Variants in ADRB3 observed in about 807,000 individuals in gnomAD.
ADRB3 encodes the protein beta-3 adrenergic receptor.
Under a neutral mutation model 23.8 loss-of-function variants are expected in ADRB3, and 33 were observed. The ratio of observed to expected loss-of-function variants is 1.38; its 90% CI spans 1.05 to 1.85. ADRB3 has a LOEUF of 1.85. Ranked by LOEUF, ADRB3 falls within the 40% of genes most tolerant of loss-of-function variation. The probability of loss-of-function intolerance (pLI) is 0.00; values close to 1 mark genes in which losing one functional copy is unlikely to be tolerated. For missense variants in ADRB3, 600 were observed against 579.6 expected, an observed-to-expected ratio of 1.04 and a Z score of -0.36; for synonymous variants, 289 against 273.0, an observed-to-expected ratio of 1.06 and a Z score of -0.58.
At position 37,963,177 on chromosome 8, in the gene ADRB3, A is replaced by ATG. The variant is rs1398415530; in HGVS notation, c.*1040_*1041insCA. On this transcript the variant is annotated 3_prime_UTR_variant, in exon 2 of 2. Coordinates refer to ENST00000345060, the MANE Select transcript of ADRB3 (RefSeq NM_000025.3). ...TCCAGACACACACACACACACACAC[A>ATG]CGCACACACACACACACACACCATG... The ATG allele has an allele frequency of 2.7e-5, 4 of 149,718 alleles. No individual in the cohort carries two copies. The highest frequency in any genetic ancestry group is 9.9e-5 in the African/African-American group (4 of 40,550). The allele number at this position is 149,718 out of a possible 1,614,324, so 9.3% of individuals were successfully genotyped here. A position where few individuals can be genotyped will look rare whatever the true frequency, so the allele number is the denominator to read the frequency against.
Position 37,966,272 on chromosome 8 carries a change from C to T in ADRB3, c.198G>A (p.Pro66=). 1 of 1,613,710 alleles carries T rather than the reference C, an allele frequency of 6.2e-7. No homozygotes were observed. Among genetic ancestry groups the T allele is most frequent in the South Asian group, 1.1e-5 (1 of 91,078 alleles). The change falls in exon 1 of 2, where the codon CCG becomes CCA. Residue 66 remains proline, a synonymous_variant. Transcript: ENST00000345060. ...LLVIVAIAWT[P]RLQTMTNVFV... ...ACACGTTGGTCATGGTCTGGAGTCT[C>T]GGAGTCCAGGCGATGGCCACGATGA...
In ADRB3 at chr8:37,966,546, C is replaced by G. The variant is rs200537905; in HGVS notation, c.-77G>C. On this transcript the variant is annotated 5_prime_UTR_variant, in exon 1 of 2. Transcript: ENST00000345060. ...AAATCACCTGGCTCAGGGGAGGGGA[C>G]AGCAAGGCATGAGAGCGACTTCCCC... is the stretch of plus-strand genomic sequence containing the variant. 6.0e-6 allele frequency: 9 copies of G among 1,499,774 alleles called. No homozygotes were observed. Among genetic ancestry groups the G allele is most frequent in the African/African-American group, 1.4e-5 (1 of 71,144 alleles). The allele number at this position is 1,499,774 out of a possible 1,614,324, so 92.9% of individuals were successfully genotyped here. A position where few individuals can be genotyped will look rare whatever the true frequency, so the allele number is the denominator to read the frequency against.
In ADRB3 at chr8:37,966,243, A is replaced by C; in HGVS notation, c.227T>G (p.Val76Gly). 2 of 1,613,622 alleles carry C rather than the reference A, an allele frequency of 1.2e-6. No homozygotes were observed. Among genetic ancestry groups the C allele is most frequent in the Non-Finnish European group, 1.7e-6 (2 of 1,179,806 alleles). Residue 76 changes from valine to glycine, a missense_variant, in exon 1 of 2, where the codon GTG becomes GGG. By Grantham distance (109) the Val-to-Gly change is moderately radical. Transcript: ENST00000345060. Reference protein sequence around the residue: ...PRLQTMTNVFVTSLAAADLVM... With the variant: ...PRLQTMTNVFGTSLAAADLVM... ...CAGGTCGGCTGCGGCCAGCGAAGTCACGAACACGTTGGTCATGGTCTGGAG... is the reference window on the plus strand; with the variant it reads ...CAGGTCGGCTGCGGCCAGCGAAGTCCCGAACACGTTGGTCATGGTCTGGAG...
In ADRB3 at chr8:37,966,387, C is replaced by G; in HGVS notation, c.83G>C (p.Ser28Thr). Residue 28 changes from serine (S) to threonine (T), a missense_variant, in exon 1 of 2, where the codon AGT (serine) becomes ACT (threonine). Physicochemically the swap from Ser to Thr is moderately conservative, Grantham distance 58 (BLOSUM62 1). Coordinates refer to ENST00000345060, the MANE Select transcript of ADRB3 (RefSeq NM_000025.3). ...CTCCCACGGAACCCCTGGCAGCCCA[C>G]TGGTGTTGGCGGTATTGGGCGCCAG... Reference protein sequence around the residue: ...PTLAPNTANTSGLPGVPWEAA... With the variant: ...PTLAPNTANTTGLPGVPWEAA... 2 of 1,610,400 alleles carry G rather than the reference C, an allele frequency of 1.2e-6. No individual in the cohort carries two copies. Among genetic ancestry groups the G allele is most frequent in the Non-Finnish European group, 1.7e-6 (2 of 1,178,834 alleles).
In ADRB3 at chr8:37,965,614, G is replaced by C; in HGVS notation, c.856C>G (p.Arg286Gly). The change falls in exon 1 of 2, where the codon CGG becomes GGG. Residue 286 changes from arginine (R) to glycine (G), a missense_variant. Arg to Gly is a moderately radical substitution (Grantham distance 125, BLOSUM62 -2). Coordinates refer to ENST00000345060, the MANE Select transcript of ADRB3 (RefSeq NM_000025.3). ...AAGGTGCACAGGGCCCGGTGTTCCCGGAGAGGCAGGAGGCGCGCGGGCCGC... is the reference window on the plus strand; with the variant it reads ...AAGGTGCACAGGGCCCGGTGTTCCCCGAGAGGCAGGAGGCGCGCGGGCCGC... The part of the protein sequence containing the change: ...GRRPARLLPL[R>G]EHRALCTLGL... 1.9e-6 allele frequency: 3 copies of C among 1,542,746 alleles called. No individual in the cohort carries two copies. Among genetic ancestry groups the C allele is most frequent in the Non-Finnish European group, 2.6e-6 (3 of 1,144,168 alleles).
chr8:37,966,575 C>T lies in ADRB3; in HGVS notation c.-106G>A. 6.9e-7 allele frequency: 1 copy of T among 1,454,440 alleles called. No homozygotes were observed. Among genetic ancestry groups the T allele is most frequent in the African/African-American group, 1.4e-5 (1 of 70,078 alleles). The allele number at this position is 1,454,440 out of a possible 1,614,324, so 90.1% of individuals were successfully genotyped here. A position where few individuals can be genotyped will look rare whatever the true frequency, so the allele number is the denominator to read the frequency against. ...AAGGCATGAGAGCGACTTCCCCAGC[C>T]TGGGCCATCTTCTCTAGCTGTCCCA... On this transcript the variant is annotated 5_prime_UTR_variant, in exon 1 of 2. Coordinates refer to ENST00000345060, the MANE Select transcript of ADRB3 (RefSeq NM_000025.3).
rs1296862681 is a variant in ADRB3, at chr8:37,963,450, G to T, written c.*768C>A. On this transcript the variant is annotated 3_prime_UTR_variant, in exon 2 of 2. Transcript: ENST00000345060. ...TGTTTGATGAAGATTAGGAAGAAAAGAGTGAGGATTAGGCCTAATTTACTG... is the reference window on the plus strand; with the variant it reads ...TGTTTGATGAAGATTAGGAAGAAAATAGTGAGGATTAGGCCTAATTTACTG... 6.6e-6 allele frequency: 1 copy of T among 152,258 alleles called. No individual in the cohort carries two copies. The highest frequency in any genetic ancestry group is 1.9e-4 in the East Asian group (1 of 5,202). 9.4% of individuals were successfully genotyped at this position (152,258 alleles called of 1,614,324 possible).
At position 37,966,045 on chromosome 8, in the gene ADRB3, G is replaced by C; in HGVS notation, c.425C>G (p.Pro142Arg). 6.3e-7 allele frequency: 1 copy of C among 1,591,850 alleles called. No individual in the cohort carries two copies. The highest frequency in any genetic ancestry group is 1.1e-5 in the South Asian group (1 of 88,000). The change falls in exon 1 of 2, where the codon CCG (proline) becomes CGG (arginine). Residue 142 changes from proline to arginine, a missense_variant. By Grantham distance (103) the Pro-to-Arg change is moderately radical. Transcript: ENST00000345060. Reference sequence around the variant, plus strand: ...GGTGACCAGTGCGCCGTAACGCAGCGGGTTGGTCACAGCCAGGTAGCGGTC... The same window carrying C: ...GGTGACCAGTGCGCCGTAACGCAGCCGGTTGGTCACAGCCAGGTAGCGGTC... ...AVDRYLAVTN[P>R]LRYGALVTKR...
At position 37,966,293 on chromosome 8, in the gene ADRB3, G is replaced by C; in HGVS notation, c.177C>G (p.Ile59Met). Residue 59 changes from isoleucine (I) to methionine (M), a missense_variant, in exon 1 of 2, where the codon ATC becomes ATG. Coordinates refer to ENST00000345060, the MANE Select transcript of ADRB3 (RefSeq NM_000025.3). ...LATVGGNLLV[I>M]VAIAWTPRLQ... is the part of the protein sequence containing the mutation. The stretch of plus-strand genomic sequence containing the variant: ...GTCTCGGAGTCCAGGCGATGGCCAC[G>C]ATGACCAGCAGGTTGCCTCCCACGG... 6.2e-7 allele frequency: 1 copy of C among 1,613,730 alleles called. No individual in the cohort carries two copies. Among genetic ancestry groups the C allele is most frequent in the Non-Finnish European group, 8.5e-7 (1 of 1,179,818 alleles).
rs1808253480 is a variant in ADRB3 at position 37,964,189 on chromosome 8, A to G, written c.*29T>C. ...AGAGGTTTTCCACAGGTTCTGATCA[A>G]CAGAGTTGTTGCTTCTTGTCCTTCA... On this transcript the variant is annotated 3_prime_UTR_variant, in exon 2 of 2. Coordinates refer to ENST00000345060, the MANE Select transcript of ADRB3 (RefSeq NM_000025.3). 1 of 1,609,790 alleles carries G rather than the reference A, an allele frequency of 6.2e-7. No individual in the cohort carries two copies.
chr8:37,964,103 G>T lies in ADRB3; in HGVS notation c.*115C>A. 1 of 929,984 alleles carries T rather than the reference G, an allele frequency of 1.1e-6. No individual in the cohort carries two copies. Among genetic ancestry groups the T allele is most frequent in the Non-Finnish European group, 1.7e-6 (1 of 581,860 alleles). 57.6% of individuals were successfully genotyped at this position (929,984 alleles called of 1,614,324 possible). ...TTGGGTCACATGGCCCAGTCGTCAG[G>T]TTCTGGAGGGTAGAGTGTCACAGCC... is the stretch of plus-strand genomic sequence containing the variant. On this transcript the variant is annotated 3_prime_UTR_variant, in exon 2 of 2. Transcript: ENST00000345060.
At position 37,966,040 on chromosome 8, in the gene ADRB3, G is replaced by T. The variant is rs1447823648; in HGVS notation, c.430C>A (p.Arg144Ser). ...DRYLAVTNPL[R>S]YGALVTKRCA... The stretch of plus-strand genomic sequence containing the variant: ...CGCTTGGTGACCAGTGCGCCGTAAC[G>T]CAGCGGGTTGGTCACAGCCAGGTAG... Residue 144 changes from arginine (R) to serine (S), a missense_variant, in exon 1 of 2, where the codon CGT becomes AGT. Coordinates refer to ENST00000345060, the MANE Select transcript of ADRB3 (RefSeq NM_000025.3). 1.3e-6 allele frequency: 2 copies of T among 1,587,728 alleles called. No homozygotes were observed. The highest frequency in any genetic ancestry group is 1.7e-6 in the Non-Finnish European group (2 of 1,167,140).
At position 37,965,758 on chromosome 8, in the gene ADRB3, G is replaced by A; in HGVS notation, c.712C>T (p.Leu238=). ...FVVATRQLRL[L]RGELGRFPPE... is the part of the protein sequence containing the mutation. The stretch of plus-strand genomic sequence containing the variant: ...GGAAAGCGGCCCAGCTCCCCGCGCA[G>A]CAAGCGCAGCTGGCGCGTAGCCACC... Residue 238 remains leucine, a synonymous_variant, in exon 1 of 2, where the codon CTG becomes TTG. Coordinates refer to ENST00000345060, the MANE Select transcript of ADRB3 (RefSeq NM_000025.3). The A allele has an allele frequency of 1.9e-6, 3 of 1,550,994 alleles. No individual in the cohort carries two copies. Among genetic ancestry groups the A allele is most frequent in the African/African-American group, 1.4e-5 (1 of 73,170 alleles).
In ADRB3 at chr8:37,963,964, G is replaced by C. The variant is rs199991921; in HGVS notation, c.*254C>G. 54 of 442,214 alleles carry C rather than the reference G, an allele frequency of 1.2e-4. No individual in the cohort carries two copies. The highest frequency in any genetic ancestry group is 1.6e-4 in the Non-Finnish European group (38 of 244,800). The allele number at this position is 442,214 out of a possible 1,614,324, so 27.4% of individuals were successfully genotyped here. ...TACCAAAGCCAGCCTGCTGCTCCAC[G>C]GCACCTGGACACTACCACTGAGGGA... is the stretch of plus-strand genomic sequence containing the variant. On this transcript the variant is annotated 3_prime_UTR_variant, in exon 2 of 2. Transcript: ENST00000345060.
Position 37,965,990 on chromosome 8 carries a change from C to T in ADRB3, c.480G>A (p.Leu160=). ...ACACCGCGGCCGACACGACCCACAC[C>T]AGGACCACAGCTGTCCGGGCGCAGC... is the stretch of plus-strand genomic sequence containing the variant. ...TKRCARTAVV[L]VWVVSAAVSF... is the part of the protein sequence containing the mutation. Residue 160 remains leucine, a synonymous_variant, in exon 1 of 2, where the codon CTG becomes CTA. Coordinates refer to ENST00000345060, the MANE Select transcript of ADRB3 (RefSeq NM_000025.3). 6.4e-7 allele frequency: 1 copy of T among 1,572,880 alleles called. No individual in the cohort carries two copies. Among genetic ancestry groups the T allele is most frequent in the Non-Finnish European group, 8.6e-7 (1 of 1,158,912 alleles).
At chr8:37,965,153 G>A (rs1233773004) in intron 1 of ADRB3, 112 bp downstream of exon 1, 1 of 1,145,770 alleles carries the variant, frequency 8.7e-7, no homozygotes, top group Non-Finnish European at 1.2e-6. Context: ...TTCTCTCCAA[G>A]CAAAGCCATC....
In ADRB3 at chr8:37,966,179, C is replaced by T; in HGVS notation, c.291G>A (p.Leu97=). The part of the protein sequence containing the change: ...GLLVVPPAAT[L]ALTGHWPLGA... The stretch of plus-strand genomic sequence containing the variant: ...CCAACGGCCAGTGGCCAGTCAGCGC[C>T]AAGGTGGCCGCCGGCGGCACCACCA... The change falls in exon 1 of 2, where the codon TTG becomes TTA. Residue 97 remains leucine, a synonymous_variant. Transcript: ENST00000345060. The T allele has an allele frequency of 1.2e-6, 2 of 1,610,988 alleles. No homozygotes were observed. Among genetic ancestry groups the T allele is most frequent in the Non-Finnish European group, 1.7e-6 (2 of 1,178,972 alleles).
intron 1 of ADRB3, 58 bp from the exon 2 acceptor site, chr8:37,964,297 AG>A (rs944302101): frequency 6.8e-7 from 1 of 1,471,308 alleles, no homozygotes; most frequent in African/African-American, 1.4e-5. Flanking sequence ...AGGTGCACTG[AG>A]GGGAATGACA....
At chr8:37,965,063 C>A (rs1177679277) in intron 1 of ADRB3, 8 of 541,450 alleles carry the variant, frequency 1.5e-5, no homozygotes, top group Admixed American at 4.1e-5. Context: ...GCTCGCCCTC[C>A]TTTGCTTCTA....
Sources: allele counts gnomAD v4.1 joint callset, GRCh38; gene constraint gnomAD v4.1.1; transcripts MANE v1.5; gene names NCBI Gene and HGNC (gene_info 2026-07-23, HGNC 2026-07-21).